CA10: variants seen among roughly 807,000 people sequenced by gnomAD.
The protein encoded by CA10 is carbonic anhydrase-related protein 10.
A neutral mutation model predicts 44.2 loss-of-function variants in CA10; 14 were observed. The ratio of observed to expected loss-of-function variants is 0.32; its 90% confidence interval spans 0.21 to 0.50. The LOEUF (loss-of-function observed/expected upper bound fraction) is 0.50, where lower values mean the gene tolerates loss of function less well. CA10 is among the 20% of genes least tolerant of loss of function. CA10 has a pLI of 0.99. For synonymous variants in CA10, 159 were observed against 141.6 expected, an observed-to-expected ratio of 1.12 and a Z score of -0.87; for missense variants, 350 against 409.7, an observed-to-expected ratio of 0.85 and a Z score of 1.26.
At chr17:51,752,068 TACA>T (rs1186561820) in intron 3 of CA10, among the ~76,000 whole-genome samples, 2 of 152,022 alleles carry the variant, frequency 1.3e-5, no homozygotes, top group Non-Finnish European at 2.9e-5. Flanking sequence ...TATGTGTTCT[TACA>T]ACGAGATGCA....
At chr17:51,999,663 C>A (rs1293585555) in intron 2 of CA10, among the ~76,000 whole-genome samples, 1 of 152,016 alleles carries the variant, frequency 6.6e-6, no homozygotes, top group African/African-American at 2.4e-5. Context: ...ATCATTCCAT[C>A]ATCAAAGTTG....
Position 51,696,930 on chromosome 17 carries a change from A to G in CA10, c.466-43194T>C, listed in dbSNP as rs183642181. On this transcript the variant is annotated intron_variant, in intron 4 of 8. Coordinates refer to ENST00000451037, the MANE Select transcript of CA10 (RefSeq NM_020178.5). ...TTCTGCACAGCAAAGAAAACAATAG[A>G]GTGAAGAGACATCCCATAGATTGAT... Among the ~76,000 whole-genome samples the G allele has an allele frequency of 5.9e-5, 9 of 152,340 alleles. No individual in the cohort carries two copies. The East Asian group carries it at 1.7e-3, about 29-fold the overall frequency.
chr17:51,731,264 C>G (rs1258035918), intron 4 of CA10, among the ~76,000 whole-genome samples: 2 of 152,174 alleles, frequency 1.3e-5, no homozygotes, highest in Non-Finnish European at 2.9e-5. Flanking sequence ...GTAGTTTCAG[C>G]TACTCTGGAG....
At chr17:51,930,912 T>G in intron 3 of CA10, 78 bp downstream of exon 3, 2 of 1,542,114 alleles carry the variant, frequency 1.3e-6, no homozygotes, top group Non-Finnish European at 1.8e-6. Context: ...TCACAGAGAC[T>G]GAAGCCTTGA....
At chr17:51,776,931 G>T (rs1047436419) in intron 3 of CA10, among the ~76,000 whole-genome samples, 1 of 152,166 alleles carries the variant, frequency 6.6e-6, no homozygotes, top group Non-Finnish European at 1.5e-5. Context: ...GCCTGCGATT[G>T]GGCAGAGCAG....
intron 4 of CA10, among the ~76,000 whole-genome samples, chr17:51,654,366 A>T (rs1025755560): frequency 2.0e-5 from 3 of 152,208 alleles, no homozygotes; most frequent in African/African-American, 7.2e-5. Context: ...ATTCATTTTT[A>T]AAAATCGTGT....
chr17:51,947,991 T>C (rs752313988), intron 2 of CA10, among the ~76,000 whole-genome samples: 6 of 152,128 alleles, frequency 3.9e-5, no homozygotes, highest in Admixed American at 6.6e-5. Context: ...AGATTCATTC[T>C]TGGGGGCTTT....
intron 2 of CA10, among the ~76,000 whole-genome samples, chr17:52,017,505 C>T (rs1250571721): frequency 6.6e-6 from 1 of 152,080 alleles, no homozygotes; most frequent in Non-Finnish European, 1.5e-5. Flanking sequence ...GAAGTTTGAA[C>T]TTAAGAGGGA....
chr17:51,914,463 G>T (rs1981913467), intron 3 of CA10, among the ~76,000 whole-genome samples: 1 of 152,090 alleles, frequency 6.6e-6, no homozygotes, highest in African/African-American at 2.4e-5. Context: ...TTCACTATGT[G>T]ATTTGCCACC....
At chr17:51,996,088 G>A (rs1985225969) in intron 2 of CA10, among the ~76,000 whole-genome samples, 1 of 151,968 alleles carries the variant, frequency 6.6e-6, no homozygotes, top group African/African-American at 2.4e-5. Flanking sequence ...TGTACTGTGG[G>A]TTCAGTAATA....
At chr17:52,055,941 C>A (rs925842619) in intron 2 of CA10, among the ~76,000 whole-genome samples, 1 of 152,000 alleles carries the variant, frequency 6.6e-6, no homozygotes, top group East Asian at 1.9e-4. Flanking sequence ...CAGGTGATCA[C>A]ATGGGGAGGT....
intron 3 of CA10, among the ~76,000 whole-genome samples, chr17:51,839,338 A>C (rs903441829): frequency 1.3e-5 from 2 of 151,754 alleles, no homozygotes; most frequent in Non-Finnish European, 2.9e-5. Context: ...TTAAAATACA[A>C]AAAAATTAGC....
chr17:51,815,989 A>T (rs988255555), intron 3 of CA10, among the ~76,000 whole-genome samples: 7 of 152,044 alleles, frequency 4.6e-5, no homozygotes, highest in African/African-American at 1.7e-4. Flanking sequence ...GACCAAAGTT[A>T]CCCTGTTGTG....
intron 5 of CA10, among the ~76,000 whole-genome samples, chr17:51,650,242 T>C (rs929227376): frequency 5.6e-4 from 85 of 152,204 alleles, no homozygotes; most frequent in African/African-American, 2.0e-3. Context: ...CAGCCTTTTC[T>C]GGGGTACCAT....
rs35032280 is a variant in CA10, at chr17:51,915,966, T to TAA, written c.279+15022_279+15023dup. Among the ~76,000 whole-genome samples the TAA allele has an allele frequency of 3.6e-3, 517 of 144,234 alleles. 2 individuals are homozygous for TAA. In the Middle Eastern group the frequency reaches 0.043, roughly 12 times the overall value. 94.6% of individuals were successfully genotyped at this position (144,234 alleles called of 152,430 possible). A position where few individuals can be genotyped will look rare whatever the true frequency, so the allele number is the denominator to read the frequency against. On this transcript the variant is annotated intron_variant, in intron 3 of 8. Transcript: ENST00000451037. ...TCCTCACTGCTATTAAGATTTTGGT[T>TAA]AAAAAAAAAAAAACCTTACCTTTTA...
chr17:51,820,821 C>A (rs1035827508), intron 3 of CA10, among the ~76,000 whole-genome samples: 2 of 152,030 alleles, frequency 1.3e-5, no homozygotes, highest in Admixed American at 1.3e-4. Flanking sequence ...TACATTGCAT[C>A]TAACTTGTAC....
intron 1 of CA10, among the ~76,000 whole-genome samples, chr17:52,075,989 A>C (rs1987807661): frequency 6.6e-6 from 1 of 152,174 alleles, no homozygotes; most frequent in Non-Finnish European, 1.5e-5. Context: ...TCATTTCTAC[A>C]AGGGATAAAG....
intron 3 of CA10, among the ~76,000 whole-genome samples, chr17:51,753,615 T>C (rs1567828258): frequency 1.3e-5 from 2 of 152,098 alleles, no homozygotes; most frequent in Non-Finnish European, 2.9e-5. Context: ...ATCATCACAA[T>C]TTCTCCCTCA....
At chr17:51,720,668 A>G (rs572494424) in intron 4 of CA10, among the ~76,000 whole-genome samples, 14 of 152,362 alleles carry the variant, frequency 9.2e-5, no homozygotes, top group African/African-American at 3.4e-4. Flanking sequence ...CAGGCACAGA[A>G]TGATGAATAC....
Sources: gnomAD v4.1 joint callset for allele counts (sites outside exome capture counted in the v4.1 genomes callset) on GRCh38, gnomAD v4.1.1 for gene constraint, MANE v1.5 for transcripts, NCBI Gene and HGNC (gene_info 2026-07-23, HGNC 2026-07-21) for gene names.